Variants in SETMAR observed in about 807,000 individuals in gnomAD.
The protein encoded by SETMAR is SET and mariner transposase domain methyltransferase, also known as histone-lysine N-methyltransferase SETMAR.
In SETMAR, 44 loss-of-function variants were observed where a neutral mutation model predicts 58.4. The ratio of observed to expected loss-of-function variants is 0.75; its 90% CI spans 0.59 to 0.97. The LOEUF (loss-of-function observed/expected upper bound fraction) is 0.97. Ranked by LOEUF, SETMAR falls within the 50% of genes least tolerant of loss-of-function variation. The probability of loss-of-function intolerance (pLI) is 0.00; values close to 1 mark genes in which losing one functional copy is unlikely to be tolerated. For missense variants in SETMAR, 903 were observed against 840.2 expected (o/e 1.07, Z -0.92); for synonymous variants, 332 against 307.4 (o/e 1.08, Z -0.84).
rs369369082 is a variant in SETMAR at position 4,313,536 on chromosome 3, A to G, written c.795A>G (p.Arg265=). ...EEELSYDYSG[R]YLNLTVSEDK... is the part of the protein sequence containing the mutation. ...AACTCTCTTATGATTATTCAGGAAG[A>G]TATCTTAATCTAACAGTCAGTGAAG... Residue 265 remains arginine (R), a synonymous_variant, in exon 2 of 3, where the codon AGA becomes AGG. Coordinates refer to ENST00000358065, the MANE Select transcript of SETMAR (RefSeq NM_006515.4). 1.2e-6 allele frequency: 2 copies of G among 1,613,970 alleles called. No individual in the cohort carries two copies. Among genetic ancestry groups the G allele is most frequent in the African/African-American group, 2.7e-5 (2 of 74,920 alleles).
chr3:4,303,599 T>C, intron 1 of SETMAR, 73 bp downstream of exon 1: 7 of 1,375,094 alleles, frequency 5.1e-6, no homozygotes, highest in Non-Finnish European at 6.6e-6. Flanking sequence ...GCCGCCTCGC[T>C]GGGACGGCCT....
At position 4,313,642 on chromosome 3, in the gene SETMAR, G is replaced by C; in HGVS notation, c.901G>C (p.Asp301His). ...AKSCTAFLPF[D>H]SSLYCPVEKS... ...ATCATGTACTGCTTTCCTGCCTTTTGACAGTTCTCTGTACTGCCCCGTAGA... is the reference window on the plus strand; with the variant it reads ...ATCATGTACTGCTTTCCTGCCTTTTCACAGTTCTCTGTACTGCCCCGTAGA... The change falls in exon 2 of 3, where the codon GAC becomes CAC. Residue 301 changes from aspartate to histidine, a missense_variant. Coordinates refer to ENST00000358065, the MANE Select transcript of SETMAR (RefSeq NM_006515.4). 1 of 1,614,032 alleles carries C rather than the reference G, an allele frequency of 6.2e-7. No individual in the cohort carries two copies. The highest frequency in any genetic ancestry group is 8.5e-7 in the Non-Finnish European group (1 of 1,179,988).
At chr3:4,313,867 C>T in intron 2 of SETMAR, 106 bp downstream of exon 2, 1 of 1,543,466 alleles carries the variant, frequency 6.5e-7, no homozygotes, top group Non-Finnish European at 8.7e-7. Flanking sequence ...AGGAATGTGG[C>T]AGAGACTGCA....
Position 4,316,802 on chromosome 3 carries a change from G to A in SETMAR, c.1611G>A (p.Trp537Ter), listed in dbSNP as rs1459912115. Residue 537 changes from tryptophan to a stop codon, truncating the protein, a stop_gained, in exon 3 of 3, where the codon TGG (tryptophan) becomes TGA (stop). Transcript: ENST00000358065. LOFTEE classifies it high-confidence loss of function. Reference protein sequence around the residue: ...HPKKVMVTIWWSAAGLIHYSF... With the variant: ...HPKKVMVTIW ...AAAAGGTCATGGTCACTATTTGGTG[G>A]TCTGCTGCTGGTCTGATCCACTACA... The A allele has an allele frequency of 6.4e-7, 1 of 1,550,736 alleles. No individual in the cohort carries two copies. Among genetic ancestry groups the A allele is most frequent in the East Asian group, 2.4e-5 (1 of 40,910 alleles).
At chr3:4,311,531 A>G (rs1169494123) in intron 1 of SETMAR, among the ~76,000 whole-genome samples, 5 of 152,198 alleles carry the variant, frequency 3.3e-5, no homozygotes, top group Admixed American at 6.5e-5. Flanking sequence ...AGAAGAACAC[A>G]TTGGTGGAAT....
chr3:4,310,681 T>C (rs1022743598), intron 1 of SETMAR, among the ~76,000 whole-genome samples: 2 of 152,202 alleles, frequency 1.3e-5, no homozygotes, highest in Admixed American at 6.5e-5. Context: ...AAAATCTTTT[T>C]AAATTTGTAA....
intron 1 of SETMAR, among the ~76,000 whole-genome samples, chr3:4,308,817 CT>C (rs1406737973): frequency 2.0e-5 from 3 of 152,250 alleles, no homozygotes; most frequent in African/African-American, 7.2e-5. Flanking sequence ...CCATTTACGC[CT>C]TTGACTTGTC....
chr3:4,303,645 C>A (rs1559210980), intron 1 of SETMAR, 119 bp downstream of exon 1: 1 of 1,429,998 alleles, frequency 7.0e-7, no homozygotes, highest in Non-Finnish European at 9.2e-7. Flanking sequence ...TTACAGCGCA[C>A]CCGTTGGTGC....
rs1300441524 is a variant in SETMAR at position 4,303,383 on chromosome 3, G to C, written c.13G>C (p.Ala5Pro). The change falls in exon 1 of 3, where the codon GCG becomes CCG. Residue 5 changes from alanine (A) to proline (P), a missense_variant. Coordinates refer to ENST00000358065, the MANE Select transcript of SETMAR (RefSeq NM_006515.4). ...GTGAGGCGGGTAAATGTTCGCGGAA[G>C]CGGCAAAGACGACACGGCCTTGTGG... MFAE[A>P]AKTTRPCGMA... 6.4e-7 allele frequency: 1 copy of C among 1,553,558 alleles called. No individual in the cohort carries two copies. The highest frequency in any genetic ancestry group is 2.0e-5 in the Admixed American group (1 of 51,184).
In SETMAR at chr3:4,303,657, C is replaced by T. The variant is rs201472604; in HGVS notation, c.156+131C>T. 6.9e-6 allele frequency: 10 copies of T among 1,441,306 alleles called. No individual in the cohort carries two copies. The East Asian group carries it at 2.6e-4, about 37-fold the overall frequency. 89.3% of individuals were successfully genotyped at this position (1,441,306 alleles called of 1,614,324 possible). On this transcript the variant is annotated intron_variant, in intron 1 of 2. Coordinates refer to ENST00000358065, the MANE Select transcript of SETMAR (RefSeq NM_006515.4). The stretch of plus-strand genomic sequence containing the variant: ...CTCTTACAGCGCACCCGTTGGTGCG[C>T]GGGAATAGGTGTGCATGCCCCGGCC...
intron 1 of SETMAR, among the ~76,000 whole-genome samples, chr3:4,310,577 C>T (rs73026638): frequency 2.6e-5 from 4 of 152,240 alleles, no homozygotes; most frequent in African/African-American, 4.8e-5. Context: ...GCAGTTCATT[C>T]GGAATTAGCT....
intron 1 of SETMAR, among the ~76,000 whole-genome samples, chr3:4,312,236 C>CATAT (rs1254124713): frequency 6.6e-6 from 1 of 151,972 alleles, no homozygotes; most frequent in African/African-American, 2.4e-5. Flanking sequence ...AATTAAAATA[C>CATAT]ATATATGCAT....
chr3:4,314,074 G>C (rs1432439913), intron 2 of SETMAR: 18 of 472,252 alleles, frequency 3.8e-5, no homozygotes, highest in East Asian at 2.9e-4. Context: ...CTGCTGGCTG[G>C]AATGTATACA....
At position 4,313,269 on chromosome 3, in the gene SETMAR, T is replaced by A. The variant is rs200363782; in HGVS notation, c.528T>A (p.Ser176=). The A allele has an allele frequency of 7.4e-6, 12 of 1,613,980 alleles. No homozygotes were observed. In the East Asian group the frequency reaches 2.7e-4, roughly 36 times the overall value. The change falls in exon 2 of 3, where the codon TCT becomes TCA. Residue 176 remains serine (S), a synonymous_variant. Coordinates refer to ENST00000358065, the MANE Select transcript of SETMAR (RefSeq NM_006515.4). The part of the protein sequence containing the change: ...CEYAGEVLGF[S]EVQRRIHLQT... The stretch of plus-strand genomic sequence containing the variant: ...ATGCTGGTGAGGTTTTAGGATTCTC[T>A]GAAGTTCAGAGAAGAATTCACTTAC...
chr3:4,304,263 TC>T (rs1698088110), intron 1 of SETMAR, among the ~76,000 whole-genome samples: 1 of 152,180 alleles, frequency 6.6e-6, no homozygotes, highest in Non-Finnish European at 1.5e-5. Context: ...TGCCTCAGCC[TC>T]CCGAGTAGCT....
intron 1 of SETMAR, chr3:4,303,837 T>C: frequency 3.7e-6 from 5 of 1,345,534 alleles, no homozygotes; most frequent in Non-Finnish European, 4.9e-6. Flanking sequence ...GGGGGAGTCA[T>C]TTACCTCCCT....
chr3:4,312,921 AC>A lies in SETMAR; in HGVS notation c.182del (p.Pro61LeufsTer10), dbSNP rs1431968213. The stretch of plus-strand genomic sequence containing the variant: ...AGTACACTCCTGATCATGTAGTTGG[AC>A]CTGGAGCAGACATTGATCCCACTCA... ...FQYTPDHVVGPGADIDPTQIT... is the reference protein window; with the variant it reads ...FQYTPDHVVGXGADIDPTQIT... On this transcript the variant is annotated frameshift_variant, in exon 2 of 3. Coordinates refer to ENST00000358065, the MANE Select transcript of SETMAR (RefSeq NM_006515.4). LOFTEE classifies it high-confidence loss of function. The A allele has an allele frequency of 1.4e-5, 22 of 1,612,988 alleles. No homozygotes were observed. Among genetic ancestry groups the A allele is most frequent in the Non-Finnish European group, 1.9e-5 (22 of 1,179,306 alleles).
At chr3:4,316,046 CAAAAAA>C (rs774059331) in intron 2 of SETMAR, among the ~76,000 whole-genome samples, 160 bp from the exon 3 acceptor site, 154 of 76,884 alleles carry the variant, frequency 2.0e-3, no homozygotes, top group South Asian at 4.9e-3. Context: ...GACTCTGTCT[CAAAAAA>C]AAAAAAAAAA....
At position 4,316,507 on chromosome 3, in the gene SETMAR, A is replaced by G. The variant is rs1249042700; in HGVS notation, c.1316A>G (p.Asn439Ser). 2 of 1,596,204 alleles carry G rather than the reference A, an allele frequency of 1.3e-6. No individual in the cohort carries two copies. Among genetic ancestry groups the G allele is most frequent in the South Asian group, 1.1e-5 (1 of 87,752 alleles). The change falls in exon 3 of 3, where the codon AAC becomes AGC. Residue 439 changes from asparagine to serine, a missense_variant. Physicochemically the swap from Asn to Ser is conservative, Grantham distance 46. Transcript: ENST00000358065. ...TREVAEELNV[N>S]HSTVVRHLKQ... Reference sequence around the variant, plus strand: ...GAAGTTGCTGAAGAACTCAATGTCAACCATTCTACGGTCGTTCGACATTTG... The same window carrying G: ...GAAGTTGCTGAAGAACTCAATGTCAGCCATTCTACGGTCGTTCGACATTTG...
Sources: allele counts gnomAD v4.1 joint callset (sites outside exome capture counted in the v4.1 genomes callset), GRCh38; gene constraint gnomAD v4.1.1; transcripts MANE v1.5; gene names NCBI Gene and HGNC (gene_info 2026-07-23, HGNC 2026-07-21).